Variants in GXYLT2 observed in about 807,000 individuals in gnomAD.
GXYLT2 encodes the protein glycosyltransferase 8 domain containing 4.
Under a neutral mutation model 45.8 loss-of-function variants are expected in GXYLT2, and 53 were observed. The observed-to-expected ratio is 1.16, with a 90% confidence interval of 0.93 to 1.46. The LOEUF is 1.46. Among genes scored for constraint, GXYLT2 ranks in the 40% most tolerant of loss-of-function variants. The pLI is 0.00. For missense variants in GXYLT2, 551 were observed against 544.4 expected (o/e 1.01, Z -0.12); for synonymous variants, 219 against 214.2 (o/e 1.02, Z -0.19).
intron 5 of GXYLT2, among the ~76,000 whole-genome samples, chr3:72,966,363 T>C (rs1710865884): frequency 6.6e-6 from 1 of 151,452 alleles, no homozygotes; most frequent in African/African-American, 2.4e-5. Context: ...ACTTTAATCT[T>C]GACTCCTCTT....
At chr3:72,929,646 A>C in intron 3 of GXYLT2, 2 of 801,940 alleles carry the variant, frequency 2.5e-6, no homozygotes, top group Admixed American at 3.5e-5. Flanking sequence ...CCTGGTCACC[A>C]AGGCAGTGCA....
At chr3:72,909,272 G>A (rs1709572039) in intron 2 of GXYLT2, among the ~76,000 whole-genome samples, 1 of 150,850 alleles carries the variant, frequency 6.6e-6, no homozygotes, top group Non-Finnish European at 1.5e-5. Context: ...GTCTCACCAT[G>A]TTGCCTAGGC....
intron 3 of GXYLT2, among the ~76,000 whole-genome samples, chr3:72,924,198 T>G (rs1238731261): frequency 1.3e-5 from 2 of 150,996 alleles, no homozygotes; most frequent in Admixed American, 1.3e-4. Flanking sequence ...TTGTCTTTTT[T>G]TTTTTTTTTT....
intron 5 of GXYLT2, among the ~76,000 whole-genome samples, chr3:72,963,583 A>T (rs562183137): frequency 6.7e-6 from 1 of 150,356 alleles, no homozygotes; most frequent in African/African-American, 2.4e-5. Context: ...GCTCAATGCA[A>T]CCTCCACATC....
chr3:72,910,445 A>G (rs911912271), intron 2 of GXYLT2, among the ~76,000 whole-genome samples: 1 of 152,088 alleles, frequency 6.6e-6, no homozygotes, highest in Non-Finnish European at 1.5e-5. Context: ...GGCCTTTTTG[A>G]GCCTCAGTTT....
rs1711101100 is a variant in GXYLT2 at position 72,976,243 on chromosome 3, A to G, written c.*1084A>G. On this transcript the variant is annotated 3_prime_UTR_variant, in exon 7 of 7. Coordinates refer to ENST00000389617, the MANE Select transcript of GXYLT2 (RefSeq NM_001080393.2). ...CACTGCACTCAGCCAATCTGGGAGT[A>G]TTTCTAAAGAAAAAAATTACTTTGA... 6.6e-6 allele frequency: 1 copy of G among 152,062 alleles called. No individual in the cohort carries two copies. Among genetic ancestry groups the G allele is most frequent in the African/African-American group, 2.4e-5 (1 of 41,400 alleles). The allele number at this position is 152,062 out of a possible 1,614,324, so 9.4% of individuals were successfully genotyped here.
intron 1 of GXYLT2, among the ~76,000 whole-genome samples, chr3:72,898,038 A>T (rs574552309): frequency 6.6e-6 from 1 of 152,368 alleles, no homozygotes; most frequent in African/African-American, 2.4e-5. Flanking sequence ...ACTCTGGAAG[A>T]CAGTATACCA....
At chr3:72,924,616 G>T (rs1440139353) in intron 3 of GXYLT2, among the ~76,000 whole-genome samples, 2 of 152,098 alleles carry the variant, frequency 1.3e-5, no homozygotes, top group African/African-American at 2.4e-5. Flanking sequence ...CGCAGACAGG[G>T]TTGGTGAAGC....
intron 2 of GXYLT2, 62 bp from the exon 3 acceptor site, chr3:72,922,142 G>C (rs911975755): frequency 2.7e-6 from 4 of 1,494,404 alleles, no homozygotes; most frequent in Non-Finnish European, 3.6e-6. Flanking sequence ...CAGAAGCTTC[G>C]CAGGCATTTT....
At chr3:72,920,914 G>A (rs1179009084) in intron 2 of GXYLT2, among the ~76,000 whole-genome samples, 1 of 150,946 alleles carries the variant, frequency 6.6e-6, no homozygotes, top group Non-Finnish European at 1.5e-5. Context: ...TCTGCCTCCC[G>A]GATTCAAGTG....
At chr3:72,942,523 G>T (rs1347870902) in intron 3 of GXYLT2, among the ~76,000 whole-genome samples, 1 of 152,078 alleles carries the variant, frequency 6.6e-6, no homozygotes, top group Non-Finnish European at 1.5e-5. Context: ...AAAGAAAAAG[G>T]GGAAATCCTT....
intron 1 of GXYLT2, among the ~76,000 whole-genome samples, chr3:72,898,209 CT>C (rs1395251615): frequency 6.6e-6 from 1 of 152,108 alleles, no homozygotes; most frequent in Non-Finnish European, 1.5e-5. Context: ...TGGCCTGAGG[CT>C]TAGGAAGCTG....
At chr3:72,907,265 AC>A (rs1709530032) in intron 1 of GXYLT2, among the ~76,000 whole-genome samples, 2 of 152,236 alleles carry the variant, frequency 1.3e-5, no homozygotes, top group African/African-American at 4.8e-5. Flanking sequence ...AAGTAATCAA[AC>A]TGGGAGCCTT....
chr3:72,966,349 CTT>C (rs1228713218), intron 5 of GXYLT2, among the ~76,000 whole-genome samples: 1 of 145,854 alleles, frequency 6.9e-6, no homozygotes. Context: ...GAAGCAGAAT[CTT>C]TACTTTAATC....
At chr3:72,967,052 G>C (rs1157295635) in intron 5 of GXYLT2, among the ~76,000 whole-genome samples, 2 of 152,208 alleles carry the variant, frequency 1.3e-5, no homozygotes, top group Non-Finnish European at 2.9e-5. Context: ...ACAGGTGTGA[G>C]CCACCACACC....
chr3:72,895,214 C>T (rs566981967), intron 1 of GXYLT2, among the ~76,000 whole-genome samples: 2 of 152,174 alleles, frequency 1.3e-5, no homozygotes, highest in Non-Finnish European at 1.5e-5. Context: ...TGAGAAGTGA[C>T]GCAGAGCAAC....
intron 5 of GXYLT2, among the ~76,000 whole-genome samples, chr3:72,958,790 C>T (rs1710702656): frequency 6.6e-6 from 1 of 151,758 alleles, no homozygotes; most frequent in Admixed American, 6.6e-5. Flanking sequence ...TGCCACTATG[C>T]CTGGCTGATT....
chr3:72,910,741 G>A (rs1297363613), intron 2 of GXYLT2, among the ~76,000 whole-genome samples: 1 of 152,150 alleles, frequency 6.6e-6, no homozygotes, highest in Non-Finnish European at 1.5e-5. Context: ...TCATAACCCC[G>A]CCTTTCATTC....
intron 3 of GXYLT2, among the ~76,000 whole-genome samples, chr3:72,934,560 T>G (rs1214002138): frequency 1.3e-5 from 2 of 152,152 alleles, no homozygotes; most frequent in African/African-American, 4.8e-5. Flanking sequence ...CCACTATGTC[T>G]GGAGATGGCA....
Sources: gnomAD v4.1 joint callset for allele counts (sites outside exome capture counted in the v4.1 genomes callset) on GRCh38, gnomAD v4.1.1 for gene constraint, MANE v1.5 for transcripts, NCBI Gene and HGNC (gene_info 2026-07-23, HGNC 2026-07-21) for gene names.